SLX4IP: variants seen among roughly 807,000 people sequenced by gnomAD.
The protein encoded by SLX4IP is SLX4 interacting protein.
A neutral mutation model predicts 32.9 loss-of-function variants in SLX4IP; 34 were observed. The observed-to-expected ratio is 1.03, with a 90% confidence interval of 0.79 to 1.38. The LOEUF (loss-of-function observed/expected upper bound fraction) is 1.38, where lower values mean the gene tolerates loss of function less well. Ranked by LOEUF, SLX4IP falls within the 40% of genes most tolerant of loss-of-function variation. The probability of loss-of-function intolerance (pLI) is 0.00; values close to 1 mark genes in which losing one functional copy is unlikely to be tolerated. For missense variants in SLX4IP, 444 were observed against 479.0 expected (o/e 0.93, Z 0.68); for synonymous variants, 172 against 171.7 (o/e 1.00, Z -0.01).
chr20:10,446,457 GT>G (rs2065203617), intron 1 of SLX4IP, among the ~76,000 whole-genome samples: 2 of 150,102 alleles, frequency 1.3e-5, no homozygotes, highest in Admixed American at 1.3e-4. Context: ...TTTTGAACAA[GT>G]TTTTACGTGA....
chr20:10,549,764 T>C (rs1831552654), intron 2 of SLX4IP, among the ~76,000 whole-genome samples: 1 of 152,212 alleles, frequency 6.6e-6, no homozygotes, highest in African/African-American at 2.4e-5. Flanking sequence ...ATCATTGTGC[T>C]CCTTCACCAG....
At chr20:10,520,435 T>A (rs2065893109) in intron 2 of SLX4IP, among the ~76,000 whole-genome samples, 1 of 152,270 alleles carries the variant, frequency 6.6e-6, no homozygotes, top group Admixed American at 6.5e-5. Flanking sequence ...GGTATATGAT[T>A]TGAAAGCATT....
At chr20:10,619,798 TTC>T (rs2067086434) in intron 6 of SLX4IP, among the ~76,000 whole-genome samples, 1 of 152,190 alleles carries the variant, frequency 6.6e-6, no homozygotes, top group Non-Finnish European at 1.5e-5. Flanking sequence ...ATCTCTCTCT[TTC>T]TCTCAGTTGA....
chr20:10,553,308 A>G (rs2066236012), intron 2 of SLX4IP, among the ~76,000 whole-genome samples: 1 of 149,906 alleles, frequency 6.7e-6, no homozygotes, highest in Admixed American at 6.6e-5. Flanking sequence ...CTATGTGACA[A>G]GACCCAATGC....
chr20:10,508,593 G>A (rs961212638), intron 2 of SLX4IP, among the ~76,000 whole-genome samples: 1 of 152,080 alleles, frequency 6.6e-6, no homozygotes, highest in Non-Finnish European at 1.5e-5. Flanking sequence ...TCATGCTCCC[G>A]GGGGCTGCTG....
chr20:10,517,053 G>A (rs624395), intron 2 of SLX4IP, among the ~76,000 whole-genome samples: 86,906 of 151,750 alleles, frequency 0.57, 25,471 homozygotes, highest in South Asian at 0.72. Context: ...GAGGAACTAT[G>A]TATGAACATT....
rs55747326 is a variant in SLX4IP at position 10,449,952 on chromosome 20, TAAA to T, written c.-29-8215_-29-8213del. The stretch of plus-strand genomic sequence containing the variant: ...GCTGTTCTTGTTTTATTGATAAAAG[TAAA>T]AAAAAAAACCCACAAAAACAAAACC... On this transcript the variant is annotated intron_variant, in intron 1 of 7. Coordinates refer to ENST00000334534, the MANE Select transcript of SLX4IP (RefSeq NM_001009608.3). Among the ~76,000 whole-genome samples, 4 of 147,168 alleles carry T rather than the reference TAAA, an allele frequency of 2.7e-5. No individual in the cohort carries two copies. The South Asian group carries it at 8.6e-4, about 32-fold the overall frequency.
intron 2 of SLX4IP, among the ~76,000 whole-genome samples, chr20:10,461,191 C>T (rs963214831): frequency 5.9e-5 from 9 of 152,242 alleles, no homozygotes; most frequent in African/African-American, 2.2e-4. Flanking sequence ...TCTTGCAAAA[C>T]TCTGTTGAAA....
At chr20:10,584,882 C>T (rs914548724) in intron 4 of SLX4IP, among the ~76,000 whole-genome samples, 7 of 152,120 alleles carry the variant, frequency 4.6e-5, no homozygotes, top group Non-Finnish European at 8.8e-5. Context: ...GGTAAAAGAC[C>T]TAGCACCTTA....
chr20:10,523,332 A>AG (rs746947088), intron 2 of SLX4IP, among the ~76,000 whole-genome samples: 194 of 152,282 alleles, frequency 1.3e-3, no homozygotes, highest in Non-Finnish European at 2.3e-3. Context: ...GCCAGTTTGC[A>AG]GGGGGGAGGA....
chr20:10,574,074 A>G (rs1430202745), intron 4 of SLX4IP, among the ~76,000 whole-genome samples: 1 of 152,310 alleles, frequency 6.6e-6, no homozygotes, highest in East Asian at 1.9e-4. Flanking sequence ...AACTGGGGAA[A>G]CTTCTCTAAC....
At chr20:10,539,560 A>C (rs1315986285) in intron 2 of SLX4IP, among the ~76,000 whole-genome samples, 1 of 152,068 alleles carries the variant, frequency 6.6e-6, no homozygotes. Context: ...AGCAGACACC[A>C]GGATCTGCCT....
At position 10,614,012 on chromosome 20, in the gene SLX4IP, G is replaced by A. The variant is rs530971038; in HGVS notation, c.406-7302G>A. The A allele has an allele frequency of 2.3e-4, 309 of 1,328,620 alleles. 1 individual carries two copies. The highest frequency in any genetic ancestry group is 1.5e-3 in the South Asian group (129 of 83,908). The allele number at this position is 1,328,620 out of a possible 1,614,324, so 82.3% of individuals were successfully genotyped here. ...ACACTGCTCTCTGTTCTCTGTCACCGAGAATGGAATAGACTTTTTCCAGGA... is the reference window on the plus strand; with the variant it reads ...ACACTGCTCTCTGTTCTCTGTCACCAAGAATGGAATAGACTTTTTCCAGGA... On this transcript the variant is annotated intron_variant, in intron 6 of 7. Coordinates refer to ENST00000334534, the MANE Select transcript of SLX4IP (RefSeq NM_001009608.3).
intron 5 of SLX4IP, among the ~76,000 whole-genome samples, chr20:10,601,348 T>C (rs1488376037): frequency 6.6e-6 from 1 of 152,176 alleles, no homozygotes; most frequent in African/African-American, 2.4e-5. Flanking sequence ...TTAGATTTTA[T>C]CTAATATTCT....
chr20:10,518,945 T>C (rs891402193), intron 2 of SLX4IP, among the ~76,000 whole-genome samples: 9 of 152,158 alleles, frequency 5.9e-5, no homozygotes, highest in Admixed American at 2.0e-4. Flanking sequence ...AAGGTAGTCA[T>C]GAGTTTGATA....
chr20:10,441,791 C>G (rs1219233564), intron 1 of SLX4IP, among the ~76,000 whole-genome samples: 4 of 150,702 alleles, frequency 2.7e-5, no homozygotes, highest in Non-Finnish European at 5.9e-5. Context: ...ATAGCAAAAA[C>G]TAATTCTTTT....
At chr20:10,500,042 C>A (rs2065702278) in intron 2 of SLX4IP, among the ~76,000 whole-genome samples, 1 of 151,886 alleles carries the variant, frequency 6.6e-6, no homozygotes, top group African/African-American at 2.4e-5. Flanking sequence ...TATGTAGAAC[C>A]CTGTCCCTTT....
intron 1 of SLX4IP, among the ~76,000 whole-genome samples, chr20:10,436,855 C>T (rs2122308370): frequency 6.6e-6 from 1 of 151,760 alleles, no homozygotes; most frequent in African/African-American, 2.4e-5. Context: ...TATGTAATTT[C>T]TGTTATAACA....
chr20:10,490,685 T>C (rs993124575), intron 2 of SLX4IP, among the ~76,000 whole-genome samples: 8 of 152,174 alleles, frequency 5.3e-5, no homozygotes, highest in South Asian at 2.1e-4. Flanking sequence ...TGTTAGTTAA[T>C]AGAGGTTGAA....
Sources: allele counts gnomAD v4.1 joint callset (sites outside exome capture counted in the v4.1 genomes callset), GRCh38; gene constraint gnomAD v4.1.1; transcripts MANE v1.5; gene names NCBI Gene and HGNC (gene_info 2026-07-23, HGNC 2026-07-21).